The following RNF213 variants were observed in gnomAD, a reference collection of about 807,000 sequenced individuals.
RNF213 encodes the protein E3 ubiquitin-protein ligase RNF213.
A neutral mutation model predicts 514.4 loss-of-function variants in RNF213; 341 were observed. The observed-to-expected ratio is 0.66, with a 90% CI of 0.61 to 0.73. The LOEUF (loss-of-function observed/expected upper bound fraction) is 0.73. Among genes scored for constraint, RNF213 ranks in the 30% least tolerant of loss-of-function variants. RNF213 has a pLI of 0.00. For missense variants in RNF213, 5,767 were observed against 6,615.6 expected, an observed-to-expected ratio of 0.87 and a Z score of 4.45; for synonymous variants, 2,655 against 2,658.2, an observed-to-expected ratio of 1.00 and a Z score of 0.04.
At chr17:80,365,357 C>T (rs1040578926) in intron 42 of RNF213, 2 of 152,540 alleles carry the variant, frequency 1.3e-5, no homozygotes, top group Non-Finnish European at 2.9e-5. Context: ...GCTGATTTCC[C>T]ACCCAGGATG....
At chr17:80,368,211 C>T in intron 44 of RNF213, 68 bp downstream of exon 44, 2 of 1,535,302 alleles carry the variant, frequency 1.3e-6, no homozygotes, top group Non-Finnish European at 1.8e-6. Context: ...ACACAATATT[C>T]AGAAATATAA....
Position 80,381,532 on chromosome 17 carries a change from C to G in RNF213, c.13798-15C>G, listed in dbSNP as rs1028241928. ...CCAGATCCCCGCTGAACACTCTGTTCCGTTGCCCCCACAGGCTCTGATAAA... is the reference window on the plus strand; with the variant it reads ...CCAGATCCCCGCTGAACACTCTGTTGCGTTGCCCCCACAGGCTCTGATAAA... On this transcript the variant is annotated splice_polypyrimidine_tract_variant and intron_variant, in intron 56 of 67. Transcript: ENST00000582970. The G allele has an allele frequency of 5.6e-6, 9 of 1,613,946 alleles. No homozygotes were observed. The Admixed American group carries it at 6.7e-5, about 12-fold the overall frequency.
intron 5 of RNF213, among the ~76,000 whole-genome samples, chr17:80,289,015 C>T (rs1006131237): frequency 2.6e-5 from 4 of 152,152 alleles, no homozygotes; most frequent in Admixed American, 6.5e-5. Flanking sequence ...CCCGAGTGGC[C>T]GGGCGAGGCC....
intron 10 of RNF213, among the ~76,000 whole-genome samples, chr17:80,296,795 C>T (rs2044967027): frequency 6.6e-6 from 1 of 152,136 alleles, no homozygotes; most frequent in African/African-American, 2.4e-5. Flanking sequence ...GGTTCTCCCA[C>T]CTCAGCCTCC....
chr17:80,345,499 C>A lies in RNF213; in HGVS notation c.7164C>A (p.Asp2388Glu). 1 of 1,610,646 alleles carries A rather than the reference C, an allele frequency of 6.2e-7. No homozygotes were observed. The highest frequency in any genetic ancestry group is 8.5e-7 in the Non-Finnish European group (1 of 1,177,276). ...CLTLGIPQATDPDKTYELTTD... is the reference protein window; with the variant it reads ...CLTLGIPQATEPDKTYELTTD... ...CCTTAGGGATCCCCCAGGCCACCGA[C>A]CCCGACAAAACGTATGAGCTCACAA... is the stretch of plus-strand genomic sequence containing the variant. The change falls in exon 29 of 68, where the codon GAC becomes GAA. Residue 2388 changes from aspartate (D) to glutamate (E), a missense_variant. By Grantham distance (45) the Asp-to-Glu change is conservative. This residue lies in a region of RNF213 where 1,377 missense variants were observed against 1,635.2 expected (regional missense o/e 0.84). Transcript: ENST00000582970. The surrounding 1 kb of genome is among the most constrained non-coding windows in gnomAD (Gnocchi z 6.0).
At chr17:80,284,285 G>A (rs2044396448) in intron 3 of RNF213, among the ~76,000 whole-genome samples, 1 of 151,984 alleles carries the variant, frequency 6.6e-6, no homozygotes, top group African/African-American at 2.4e-5. Context: ...AATCACCTGA[G>A]CTGGGGAGGC....
chr17:80,339,197 C>A lies in RNF213; in HGVS notation c.4834-4C>A, dbSNP rs1355281736. The A allele has an allele frequency of 6.8e-7, 1 of 1,467,108 alleles. No homozygotes were observed. The allele number at this position is 1,467,108 out of a possible 1,614,324, so 90.9% of individuals were successfully genotyped here. On this transcript the variant is annotated splice_polypyrimidine_tract_variant and splice_region_variant and intron_variant, in intron 25 of 67. Coordinates refer to ENST00000582970, the MANE Select transcript of RNF213 (RefSeq NM_001256071.3). ...GAGCCAACCTCATGGTTCTGCCTCT[C>A]CAGGTCTTCTGCAGTGTGCAGAGGC...
Position 80,353,230 on chromosome 17 carries a change from G to A in RNF213, c.10423+171G>A, listed in dbSNP as rs76351115. 630 of 947,438 alleles carry A rather than the reference G, an allele frequency of 6.6e-4. 3 individuals carry two copies. In the East Asian group the frequency reaches 0.016, roughly 24 times the overall value. 58.7% of individuals were successfully genotyped at this position (947,438 alleles called of 1,614,324 possible). ...CTGGTGGCTCATCATAGAGCACCAG[G>A]GCCGAGCAGGTGCGCTTACCACAGG... On this transcript the variant is annotated intron_variant, in intron 33 of 67. Coordinates refer to ENST00000582970, the MANE Select transcript of RNF213 (RefSeq NM_001256071.3). The surrounding 1 kb of genome is among the most constrained non-coding windows in gnomAD (Gnocchi z 5.0).
chr17:80,386,836 T>G lies in RNF213; in HGVS notation c.14867T>G (p.Ile4956Ser). The change falls in exon 63 of 68, where the codon ATT becomes AGT. Residue 4956 changes from isoleucine to serine, a missense_variant. This residue lies in a region of RNF213 where 1,245 missense variants were observed against 1,339.0 expected (regional missense o/e 0.93). Transcript: ENST00000582970. ...ETVQEFDLEK[I>S]QRQIVSRFLQ... ...GTGCAGGAGTTCGATCTGGAGAAGA[T>G]TCAGCGGCAGATCGTCAGCCGCTTC... is the stretch of plus-strand genomic sequence containing the variant. The G allele has an allele frequency of 6.2e-7, 1 of 1,614,164 alleles. No individual in the cohort carries two copies. The highest frequency in any genetic ancestry group is 8.5e-7 in the Non-Finnish European group (1 of 1,180,032).
chr17:80,325,314 T>C (rs1000615493), intron 18 of RNF213, 116 bp downstream of exon 18: 1 of 1,078,342 alleles, frequency 9.3e-7, no homozygotes, highest in Admixed American at 2.8e-5. Context: ...TGGGCTGATG[T>C]TTGACAAAGG....
At position 80,345,137 on chromosome 17, in the gene RNF213, C is replaced by T. The variant is rs764823009; in HGVS notation, c.6802C>T (p.His2268Tyr). 9 of 1,614,126 alleles carry T rather than the reference C, an allele frequency of 5.6e-6. No individual in the cohort carries two copies. The East Asian group carries it at 2.0e-4, about 36-fold the overall frequency. The change falls in exon 29 of 68, where the codon CAC becomes TAC. Residue 2268 changes from histidine (H) to tyrosine (Y), a missense_variant. This residue lies in a region of RNF213 where 1,377 missense variants were observed against 1,635.2 expected (regional missense o/e 0.84). Coordinates refer to ENST00000582970, the MANE Select transcript of RNF213 (RefSeq NM_001256071.3). The surrounding 1 kb of genome is among the most constrained non-coding windows in gnomAD (Gnocchi z 6.0). ...AAGAGATTTTGCCACACCATCACTC[C>T]ACACCTCTGACCAAAGCCCGGGGAA... The part of the protein sequence containing the change: ...MARDFATPSL[H>Y]TSDQSPGKHM...
Position 80,264,241 on chromosome 17 carries a change from C to G in RNF213, c.97+463C>G, listed in dbSNP as rs1198035946. On this transcript the variant is annotated intron_variant, in intron 2 of 67. Transcript: ENST00000582970. This position sits in a 1 kb window ranked among gnomAD's most constrained non-coding sequence, Gnocchi z 5.0. The stretch of plus-strand genomic sequence containing the variant: ...GAGCTGAGGGCTTCATAGAGAGTTT[C>G]AGAGAATGCTGCAGGGAAGCAGAGT... Among the ~76,000 whole-genome samples the G allele has an allele frequency of 6.6e-6, 1 of 152,156 alleles. No individual in the cohort carries two copies. The highest frequency in any genetic ancestry group is 1.5e-5 in the Non-Finnish European group (1 of 68,030).
intron 39 of RNF213, 36 bp from the exon 40 acceptor site, chr17:80,363,066 T>G: frequency 6.4e-7 from 1 of 1,571,628 alleles, no homozygotes; most frequent in East Asian, 2.3e-5. Flanking sequence ...TTTTTGTAAT[T>G]TAAAAATATA....
At chr17:80,333,293 C>T (rs2046469568) in intron 21 of RNF213, among the ~76,000 whole-genome samples, 1 of 151,178 alleles carries the variant, frequency 6.6e-6, no homozygotes, top group South Asian at 2.1e-4. Flanking sequence ...ATCTCCTGAC[C>T]TCGTGATCCA....
At position 80,294,841 on chromosome 17, in the gene RNF213, G is replaced by A. The variant is rs151191387; in HGVS notation, c.1593G>A (p.Ala531=). The stretch of plus-strand genomic sequence containing the variant: ...TGAAGGGGAAGCAGATTGCCGCTGC[G>A]CTCATGCTGGACAGCACCTTCAGCA... ...DLVKGKQIAA[A]LMLDSTFSIL... Residue 531 remains alanine (A), a synonymous_variant, in exon 9 of 68, where the codon GCG becomes GCA. Transcript: ENST00000582970. 1.7e-4 allele frequency: 273 copies of A among 1,614,192 alleles called. 6 individuals carry two copies. The East Asian group carries it at 2.7e-3, about 16-fold the overall frequency.
At chr17:80,392,584 A>C (rs372587102) in intron 67 of RNF213, among the ~76,000 whole-genome samples, 1 of 143,100 alleles carries the variant, frequency 7.0e-6, no homozygotes, top group East Asian at 2.0e-4. Context: ...TTGACCTTAA[A>C]CTGCTCCTCA....
intron 11 of RNF213, among the ~76,000 whole-genome samples, chr17:80,304,874 C>T (rs1472869305): frequency 6.6e-6 from 1 of 152,154 alleles, no homozygotes; most frequent in Non-Finnish European, 1.5e-5. Flanking sequence ...GACCTCCACA[C>T]TCCCCCTCCT....
In RNF213 at chr17:80,369,703, C is replaced by T. The variant is rs1419943541; in HGVS notation, c.12325+32C>T. 3.7e-6 allele frequency: 6 copies of T among 1,614,086 alleles called. No homozygotes were observed. In the East Asian group the frequency reaches 8.9e-5, roughly 24 times the overall value. ...TGCTTTCTTCCTGTAAACCTAGCCC[C>T]TCATTTCTTCATCTCGCTTCTGCAT... On this transcript the variant is annotated intron_variant, in intron 45 of 67. Transcript: ENST00000582970.
intron 29 of RNF213, among the ~76,000 whole-genome samples, chr17:80,348,740 C>T (rs2078399983): frequency 6.6e-6 from 1 of 152,190 alleles, no homozygotes; most frequent in African/African-American, 2.4e-5. Flanking sequence ...TAGGAGAAGC[C>T]CCTCGCCGAT....
Sources: allele counts gnomAD v4.1 joint callset (sites outside exome capture counted in the v4.1 genomes callset), GRCh38; gene constraint gnomAD v4.1.1; regional missense constraint gnomAD v4.1.1; non-coding constraint Gnocchi (gnomAD v3.1); transcripts MANE v1.5; gene names NCBI Gene and HGNC (gene_info 2026-07-23, HGNC 2026-07-21).